Variants in SERPINA12 observed in about 807,000 individuals in gnomAD.
The protein encoded by SERPINA12 is serpin family A member 12.
A neutral mutation model predicts 25.9 loss-of-function variants in SERPINA12; 21 were observed. That is an observed-to-expected ratio of 0.81 (90% confidence interval 0.58 to 1.17). The LOEUF (loss-of-function observed/expected upper bound fraction) is 1.17, where lower values mean the gene tolerates loss of function less well. Ranked by LOEUF, SERPINA12 falls within the 50% of genes most tolerant of loss-of-function variation. The probability of loss-of-function intolerance (pLI) is 0.00; values close to 1 mark genes in which losing one functional copy is unlikely to be tolerated. For synonymous variants in SERPINA12, 220 were observed against 196.0 expected (o/e 1.12, Z -1.02); for missense variants, 562 against 508.3 (o/e 1.11, Z -1.02).
chr14:94,496,260 G>A, intron 3 of SERPINA12, 113 bp downstream of exon 3: 1 of 1,026,006 alleles, frequency 9.7e-7, no homozygotes, highest in African/African-American at 1.6e-5. Context: ...CATGATATAA[G>A]TTTATTATAG....
At chr14:94,509,940 T>C, upstream of SERPINA12, 2 of 982,204 alleles carry the variant, frequency 2.0e-6, no homozygotes, top group Non-Finnish European at 2.4e-6. Flanking sequence ...GGCACTGCTA[T>C]AGAATACCAG....
chr14:94,515,664 A>G (rs140315108), intron 2 of SERPINA12, among the ~76,000 whole-genome samples: 3 of 151,674 alleles, frequency 2.0e-5, no homozygotes, highest in African/African-American at 7.3e-5. Context: ...GTGCAGATGC[A>G]GGCAAGCAGT....
intron 1 of SERPINA12, chr14:94,501,014 A>C (rs1181269768): frequency 3.1e-5 from 31 of 984,804 alleles, no homozygotes; most frequent in Non-Finnish European, 3.7e-5. Flanking sequence ...TTCTACCCCC[A>C]AAAACCACTT....
At chr14:94,489,115 G>C (rs1566803721) in intron 4 of SERPINA12, among the ~76,000 whole-genome samples, 2 of 140,222 alleles carry the variant, frequency 1.4e-5, no homozygotes, top group African/African-American at 5.3e-5. Context: ...ATAAAAGAAA[G>C]AAAGGAAGGA....
At chr14:94,500,098 T>C (rs1900649786) in intron 1 of SERPINA12, among the ~76,000 whole-genome samples, 1 of 152,186 alleles carries the variant, frequency 6.6e-6, no homozygotes, top group African/African-American at 2.4e-5. Flanking sequence ...GCAGGGCCTG[T>C]ACCTAGGAGT....
intron 1 of SERPINA12, among the ~76,000 whole-genome samples, chr14:94,505,819 A>G (rs552421233): frequency 6.6e-6 from 1 of 152,166 alleles, no homozygotes; most frequent in African/African-American, 2.4e-5. Context: ...AGCACTGGGG[A>G]TGCCTGAGTT....
At chr14:94,491,385 T>TC (rs1373125625) in intron 3 of SERPINA12, among the ~76,000 whole-genome samples, 2 of 152,158 alleles carry the variant, frequency 1.3e-5, no homozygotes, top group East Asian at 3.8e-4. Context: ...GGGTTTTTTT[T>TC]CCTGAATAAA....
In SERPINA12 at chr14:94,487,417, G is replaced by A. The variant is rs1216990487; in HGVS notation, c.1131C>T (p.Pro377=). ...TCTTGACGACGAGTGGTGTCTCCATGGGCAGAGTCTGTGCTCCGGTGCCAG... is the reference window on the plus strand; with the variant it reads ...TCTTGACGACGAGTGGTGTCTCCATAGGCAGAGTCTGTGCTCCGGTGCCAG... ...GAAGTGAQTL[P]METPLVVKID... Residue 377 remains proline (P), a synonymous_variant, in exon 5 of 5, where the codon CCC becomes CCT. Transcript: ENST00000677451. The A allele has an allele frequency of 6.2e-7, 1 of 1,614,096 alleles. No individual in the cohort carries two copies. The highest frequency in any genetic ancestry group is 1.1e-5 in the South Asian group (1 of 91,074).
chr14:94,501,341 G>T (rs1427218734), intron 1 of SERPINA12, among the ~76,000 whole-genome samples: 2 of 152,156 alleles, frequency 1.3e-5, no homozygotes, highest in Non-Finnish European at 2.9e-5. Context: ...CTTGGAGGAG[G>T]CCGGGCAGGG....
intron 2 of SERPINA12, among the ~76,000 whole-genome samples, chr14:94,515,593 C>T (rs955692215): frequency 1.2e-4 from 18 of 152,250 alleles, no homozygotes; most frequent in South Asian, 1.0e-3. Flanking sequence ...GAGCTGGGGA[C>T]GGCAGGGACA....
chr14:94,509,736 T>A (rs1420341484), upstream of SERPINA12, among the ~76,000 whole-genome samples: 1 of 152,236 alleles, frequency 6.6e-6, no homozygotes, highest in Non-Finnish European at 1.5e-5. Flanking sequence ...GATTCACTGA[T>A]GAGGGCCTGG....
At chr14:94,496,251 A>T in intron 3 of SERPINA12, 122 bp downstream of exon 3, 1 of 928,356 alleles carries the variant, frequency 1.1e-6, no homozygotes, top group Non-Finnish European at 1.6e-6. Flanking sequence ...AATTCTCACC[A>T]TGATATAAGT....
upstream of SERPINA12, among the ~76,000 whole-genome samples, chr14:94,514,459 G>A (rs1901181941): frequency 6.7e-6 from 1 of 149,506 alleles, no homozygotes; most frequent in East Asian, 2.0e-4. Flanking sequence ...GACTCACCTA[G>A]TTATGGCTGG....
rs1900428301 is a variant in SERPINA12 at position 94,496,505 on chromosome 14, G to A, written c.773C>T (p.Thr258Ile). Reference protein sequence around the residue: ...QVGYDDKLSCTILEIPYQKNI... With the variant: ...QVGYDDKLSCIILEIPYQKNI... ...TTTCTGGTAGGGTATTTCCAGGATG[G>A]TGCAAGAGAGCTTATCGTCATAGCC... Residue 258 changes from threonine (T) to isoleucine (I), a missense_variant, in exon 3 of 5, where the codon ACC (threonine) becomes ATC (isoleucine). Physicochemically the swap from Thr to Ile is moderately conservative, Grantham distance 89. Coordinates refer to ENST00000677451, the MANE Select transcript of SERPINA12 (RefSeq NM_001382267.1). 2.3e-5 allele frequency: 37 copies of A among 1,614,100 alleles called. No homozygotes were observed. The highest frequency in any genetic ancestry group is 3.1e-5 in the Non-Finnish European group (36 of 1,180,032).
intron 1 of SERPINA12, among the ~76,000 whole-genome samples, chr14:94,505,763 A>C (rs115809087): frequency 2.0e-5 from 3 of 152,160 alleles, no homozygotes; most frequent in Non-Finnish European, 4.4e-5. Context: ...CACGGGAGAC[A>C]TGCAGGAAGA....
intron 3 of SERPINA12, 69 bp downstream of exon 3, chr14:94,496,304 C>T (rs1362239001): frequency 2.6e-6 from 4 of 1,537,170 alleles, no homozygotes; most frequent in Non-Finnish European, 3.6e-6. Flanking sequence ...GAGGTAAGAG[C>T]TCAGACAGCA....
upstream of SERPINA12, chr14:94,511,246 C>CAT (rs1476141370): frequency 4.4e-6 from 1 of 229,782 alleles, no homozygotes; most frequent in Non-Finnish European, 7.2e-6. Flanking sequence ...TACACACACA[C>CAT]ACACACACAT....
chr14:94,500,862 C>A, intron 1 of SERPINA12: 1 of 985,384 alleles, frequency 1.0e-6, no homozygotes, highest in Non-Finnish European at 1.2e-6. Flanking sequence ...AACATCCTCA[C>A]AAATACGGGC....
At chr14:94,503,222 C>T (rs1403628717) in intron 1 of SERPINA12, 3 of 984,592 alleles carry the variant, frequency 3.0e-6, no homozygotes, top group East Asian at 2.3e-4. Flanking sequence ...CTTCTCTCCC[C>T]TGTTAGAAGT....
Sources: allele counts gnomAD v4.1 joint callset (sites outside exome capture counted in the v4.1 genomes callset), GRCh38; gene constraint gnomAD v4.1.1; transcripts MANE v1.5; gene names NCBI Gene and HGNC (gene_info 2026-07-23, HGNC 2026-07-21).